Variants in TUBD1 observed in about 807,000 individuals in gnomAD.
The protein encoded by TUBD1 is tubulin delta 1, also known as tubulin delta chain.
Under a neutral mutation model 51.2 loss-of-function variants are expected in TUBD1, and 38 were observed. That is an observed-to-expected ratio of 0.74 (90% CI 0.57 to 0.97). TUBD1 has a LOEUF of 0.97. TUBD1 is among the 50% of genes least tolerant of loss of function. The pLI is 0.00. For synonymous variants in TUBD1, 169 were observed against 178.2 expected (o/e 0.95, Z 0.41); for missense variants, 489 against 538.4 (o/e 0.91, Z 0.91).
chr17:59,867,668 A>G (rs2039769811), intron 6 of TUBD1, among the ~76,000 whole-genome samples: 1 of 152,068 alleles, frequency 6.6e-6, no homozygotes, highest in Admixed American at 6.6e-5. Context: ...AGCCTGGGTG[A>G]CAGTGCGAGA....
chr17:59,869,386 G>C (rs1341127126), intron 6 of TUBD1, among the ~76,000 whole-genome samples: 2 of 151,264 alleles, frequency 1.3e-5, no homozygotes, highest in Non-Finnish European at 2.9e-5. Context: ...TGAGGCAAAA[G>C]AATCGCTTCA....
At chr17:59,865,165 T>A (rs777005246) in intron 7 of TUBD1, among the ~76,000 whole-genome samples, 7 of 152,154 alleles carry the variant, frequency 4.6e-5, no homozygotes, top group Non-Finnish European at 1.0e-4. Flanking sequence ...GCCTTGGTTT[T>A]CTTTGCATCA....
chr17:59,868,108 C>CA (rs35401242), intron 6 of TUBD1, among the ~76,000 whole-genome samples: 10,457 of 26,770 alleles, frequency 0.39, 1,696 homozygotes, highest in Non-Finnish European at 0.42. Flanking sequence ...ACTAAAAATA[C>CA]AAAAAAAAAA....
chr17:59,892,267 C>CATTG (rs1568344342), intron 1 of TUBD1, among the ~76,000 whole-genome samples: 1 of 152,068 alleles, frequency 6.6e-6, no homozygotes, highest in Non-Finnish European at 1.5e-5. Context: ...ATTAACCGGG[C>CATTG]GCAATGGCTC....
At position 59,891,012 on chromosome 17, in the gene TUBD1, C is replaced by T. The variant is rs758682188; in HGVS notation, c.-10G>A. 2.2e-5 allele frequency: 36 copies of T among 1,606,988 alleles called. No individual in the cohort carries two copies. Among genetic ancestry groups the T allele is most frequent in the Non-Finnish European group, 2.5e-5 (30 of 1,177,696 alleles). On this transcript the variant is annotated 5_prime_UTR_variant, in exon 2 of 9. The change creates a new upstream start codon in the 5' untranslated region. Coordinates refer to ENST00000325752, the MANE Select transcript of TUBD1 (RefSeq NM_016261.4). ...CTGTTACAATTGACATGCTGAGCCA[C>T]AAACTAGGTGTATTACCTCTAAAAA...
chr17:59,878,035 A>G lies in TUBD1; in HGVS notation c.769+68T>C, dbSNP rs2040304754. ...TATCTTCAGGCAGAGGAGGAGACAG[A>G]AAGAATAAACTTTGAAGCTTTCAGA... On this transcript the variant is annotated intron_variant, in intron 5 of 8. Transcript: ENST00000325752. The G allele has an allele frequency of 3.9e-6, 5 of 1,293,150 alleles. No homozygotes were observed. In the South Asian group the frequency reaches 5.3e-5, roughly 14 times the overall value. 80.1% of individuals were successfully genotyped at this position (1,293,150 alleles called of 1,614,324 possible).
intron 5 of TUBD1, among the ~76,000 whole-genome samples, chr17:59,877,428 G>A (rs1248278869): frequency 6.6e-6 from 1 of 152,234 alleles, no homozygotes; most frequent in Non-Finnish European, 1.5e-5. Flanking sequence ...GGGAGCAACA[G>A]GATCTGACTT....
At chr17:59,883,436 T>C (rs1386247349) in intron 3 of TUBD1, among the ~76,000 whole-genome samples, 1 of 151,944 alleles carries the variant, frequency 6.6e-6, no homozygotes, top group Non-Finnish European at 1.5e-5. Context: ...CAGCTAATTT[T>C]TTCTATTTTT....
intron 5 of TUBD1, among the ~76,000 whole-genome samples, chr17:59,877,289 C>A (rs1568307129): frequency 6.6e-6 from 1 of 152,226 alleles, no homozygotes; most frequent in Admixed American, 6.5e-5. Context: ...TCTGTCAGAG[C>A]ACAACTACGG....
In TUBD1 at chr17:59,880,924, AT is replaced by A; in HGVS notation, c.506del (p.Asn169IlefsTer21). 1 of 1,614,156 alleles carries A rather than the reference AT, an allele frequency of 6.2e-7. No individual in the cohort carries two copies. The highest frequency in any genetic ancestry group is 8.5e-7 in the Non-Finnish European group (1 of 1,180,010). On this transcript the variant is annotated frameshift_variant, in exon 4 of 9. Coordinates refer to ENST00000325752, the MANE Select transcript of TUBD1 (RefSeq NM_016261.4). LOFTEE classifies it high-confidence loss of function. ...EDQYSNSLKM[N>X]QIIWPYGTGE... ...CAGTTCCATAAGGCCAAATAATCTG[AT>A]TCATTTTCAATGAGTTTGAGTACTG...
At chr17:59,878,635 A>G (rs2040337954) in intron 4 of TUBD1, 1 of 261,164 alleles carries the variant, frequency 3.8e-6, no homozygotes, top group African/African-American at 2.2e-5. Context: ...TTGTGCCACC[A>G]TGCCCAGCTA....
intron 7 of TUBD1, among the ~76,000 whole-genome samples, chr17:59,864,947 C>G (rs1032390416): frequency 6.6e-6 from 1 of 152,048 alleles, no homozygotes; most frequent in Non-Finnish European, 1.5e-5. Context: ...GCCTCAAACT[C>G]CTGGGTTCAA....
At chr17:59,885,776 T>C (rs372523414) in intron 3 of TUBD1, among the ~76,000 whole-genome samples, 2 of 152,202 alleles carry the variant, frequency 1.3e-5, no homozygotes, top group African/African-American at 4.8e-5. Flanking sequence ...TACTGTCTTG[T>C]AGTATTCTCT....
chr17:59,876,954 T>C (rs1250111384), intron 5 of TUBD1, among the ~76,000 whole-genome samples: 1 of 151,772 alleles, frequency 6.6e-6, no homozygotes, highest in Non-Finnish European at 1.5e-5. Flanking sequence ...GTCTGCCTTA[T>C]GGGTTCAAGC....
At chr17:59,866,181 C>G (rs2039690959) in intron 7 of TUBD1, among the ~76,000 whole-genome samples, 1 of 148,984 alleles carries the variant, frequency 6.7e-6, no homozygotes, top group African/African-American at 2.5e-5. Context: ...AGGAGGCAGC[C>G]AGATGGTAAA....
chr17:59,886,266 A>T (rs769240494), intron 2 of TUBD1, 36 bp from the exon 3 acceptor site: 1 of 1,591,758 alleles, frequency 6.3e-7, no homozygotes, highest in Non-Finnish European at 8.5e-7. Flanking sequence ...CATCGAAAGA[A>T]AAAAAGATTT....
Position 59,864,774 on chromosome 17 carries a change from G to A in TUBD1, c.1076-927C>T, listed in dbSNP as rs183893283. On this transcript the variant is annotated intron_variant, in intron 7 of 8. Transcript: ENST00000325752. ...CTGCCAAAGTGCTGGGATTACAGGT[G>A]AGAGCCACTGTGACTGGTCCTATTT... Among the ~76,000 whole-genome samples the A allele has an allele frequency of 4.6e-3, 699 of 151,180 alleles. 15 individuals carry two copies. In the South Asian group the frequency reaches 0.052, roughly 11 times the overall value.
intron 8 of TUBD1, among the ~76,000 whole-genome samples, chr17:59,863,105 CAT>C (rs2039537127): frequency 6.6e-6 from 1 of 152,130 alleles, no homozygotes; most frequent in East Asian, 1.9e-4. Context: ...AATTACTGAG[CAT>C]TTACTAGCCA....
At chr17:59,892,251 T>G (rs1191493865) in intron 1 of TUBD1, among the ~76,000 whole-genome samples, 2 of 151,856 alleles carry the variant, frequency 1.3e-5, no homozygotes, top group East Asian at 3.9e-4. Flanking sequence ...GAAAACCAGA[T>G]GAAATATTAA....
Sources: allele counts gnomAD v4.1 joint callset (sites outside exome capture counted in the v4.1 genomes callset), GRCh38; gene constraint gnomAD v4.1.1; transcripts MANE v1.5; gene names NCBI Gene and HGNC (gene_info 2026-07-23, HGNC 2026-07-21).